Variants in SLC5A4 observed in about 807,000 individuals in gnomAD.
SLC5A4 encodes the protein probable glucose sensor protein SLC5A4.
A neutral mutation model predicts 70.3 loss-of-function variants in SLC5A4; 55 were observed. That is an observed-to-expected ratio of 0.78 (90% CI 0.63 to 0.98). SLC5A4 has a LOEUF of 0.98. Among genes scored for constraint, SLC5A4 ranks in the 50% least tolerant of loss-of-function variants. The pLI, the probability that SLC5A4 is intolerant of heterozygous loss-of-function variation, is 0.00. For synonymous variants in SLC5A4, 268 were observed against 305.7 expected (o/e 0.88, Z 1.29); for missense variants, 735 against 839.2 (o/e 0.88, Z 1.53).
the SLC5A4 span, among the ~76,000 whole-genome samples, chr22:32,328,386 C>A: frequency 6.6e-6 from 1 of 152,130 alleles, no homozygotes; most frequent in Non-Finnish European, 1.5e-5. Flanking sequence ...AAGTGACAGG[C>A]ATGGGATGTC....
At chr22:32,324,175 T>C in the SLC5A4 span, among the ~76,000 whole-genome samples, 1 of 149,570 alleles carries the variant, frequency 6.7e-6, no homozygotes, top group Non-Finnish European at 1.5e-5. Flanking sequence ...ATGCCAGTGG[T>C]GAAAATGTGG....
At chr22:32,352,769 C>G in the SLC5A4 span, among the ~76,000 whole-genome samples, 1 of 152,246 alleles carries the variant, frequency 6.6e-6, no homozygotes, top group Non-Finnish European at 1.5e-5. Context: ...CACAGGCCCA[C>G]CCTACAAGGC....
At chr22:32,236,955 C>T (rs1354206716) in intron 7 of SLC5A4, among the ~76,000 whole-genome samples, 3 of 152,130 alleles carry the variant, frequency 2.0e-5, no homozygotes, top group African/African-American at 7.2e-5. Context: ...CCACCCGCCT[C>T]GGCCTCCCAA....
At chr22:32,307,935 A>G in the SLC5A4 span, among the ~76,000 whole-genome samples, 1,202 of 68,992 alleles carry the variant, frequency 0.017, 17 homozygotes, top group African/African-American at 0.06. Flanking sequence ...GGATTCTTAC[A>G]TGTTTCCAAC....
the SLC5A4 span, among the ~76,000 whole-genome samples, chr22:32,305,980 C>CAT: frequency 6.6e-6 from 1 of 152,068 alleles, no homozygotes; most frequent in Non-Finnish European, 1.5e-5. Flanking sequence ...GATGGACTCA[C>CAT]GTGCCCAGTT....
At chr22:32,272,386 G>A in the SLC5A4 span, 2 of 905,420 alleles carry the variant, frequency 2.2e-6, no homozygotes, top group Non-Finnish European at 3.6e-6. Context: ...AAGCCTGCGG[G>A]CCAGCGAGCT....
the SLC5A4 span, chr22:32,272,166 G>A: frequency 5.0e-5 from 36 of 720,518 alleles, no homozygotes; most frequent in African/African-American, 4.3e-4. Flanking sequence ...CGTGGCCGCC[G>A]GGACCTGCCT....
the SLC5A4 span, among the ~76,000 whole-genome samples, chr22:32,321,834 C>T: frequency 5.9e-5 from 9 of 152,266 alleles, no homozygotes; most frequent in African/African-American, 1.9e-4. Context: ...TTCCATGGTG[C>T]CTATACAGTC....
At chr22:32,235,794 G>C (rs1377427022) in intron 7 of SLC5A4, among the ~76,000 whole-genome samples, 4 of 152,158 alleles carry the variant, frequency 2.6e-5, no homozygotes, top group Non-Finnish European at 2.9e-5. Context: ...AAATTCATCA[G>C]GGTATTATAC....
At chr22:32,314,637 T>C in the SLC5A4 span, among the ~76,000 whole-genome samples, 5 of 152,208 alleles carry the variant, frequency 3.3e-5, no homozygotes, top group Non-Finnish European at 7.3e-5. Context: ...TGTGGATAGA[T>C]GGCAGTGATG....
the SLC5A4 span, among the ~76,000 whole-genome samples, chr22:32,310,741 G>A: frequency 6.6e-6 from 1 of 152,234 alleles, no homozygotes; most frequent in Non-Finnish European, 1.5e-5. Context: ...GGCTGAGTCT[G>A]TCTTCTCATC....
At chr22:32,280,980 A>C in the SLC5A4 span, among the ~76,000 whole-genome samples, 2 of 152,300 alleles carry the variant, frequency 1.3e-5, no homozygotes. Flanking sequence ...GTCTCTCAAC[A>C]GTTCTAGAAA....
At chr22:32,280,079 G>A in the SLC5A4 span, among the ~76,000 whole-genome samples, 14 of 152,152 alleles carry the variant, frequency 9.2e-5, no homozygotes, top group Non-Finnish European at 1.8e-4. Context: ...GCAATGGCAC[G>A]ATCTCTGCTC....
At chr22:32,339,270 T>C in the SLC5A4 span, among the ~76,000 whole-genome samples, 4 of 152,172 alleles carry the variant, frequency 2.6e-5, no homozygotes, top group African/African-American at 9.7e-5. Context: ...GCAACAATCA[T>C]CACAGTTAGC....
At chr22:32,236,152 G>A (rs532350270) in intron 7 of SLC5A4, among the ~76,000 whole-genome samples, 1 of 152,154 alleles carries the variant, frequency 6.6e-6, no homozygotes. Context: ...AGTACACAAA[G>A]AATTGGTGCT....
chr22:32,246,437 G>T (rs62239056), intron 5 of SLC5A4, among the ~76,000 whole-genome samples: 1,565 of 152,280 alleles, frequency 0.01, 8 homozygotes, highest in South Asian at 0.027. Context: ...GAGCAAATAA[G>T]TTACTCTTTG....
At chr22:32,283,491 ACAAT>A in the SLC5A4 span, among the ~76,000 whole-genome samples, 372 of 152,318 alleles carry the variant, frequency 2.4e-3, 3 homozygotes, top group Non-Finnish European at 4.0e-3. Context: ...AATCAACAAA[ACAAT>A]CAATCAGGCC....
chr22:32,247,663 C>T (rs1282682159), intron 4 of SLC5A4, 148 bp from the exon 5 acceptor site: 1 of 647,644 alleles, frequency 1.5e-6, no homozygotes, highest in African/African-American at 1.8e-5. Context: ...CTCATAGAGG[C>T]ATCCCTGATG....
chr22:32,227,359 C>A (rs1302376126), intron 11 of SLC5A4, among the ~76,000 whole-genome samples: 1 of 152,198 alleles, frequency 6.6e-6, no homozygotes, highest in Non-Finnish European at 1.5e-5. Context: ...CACTCCTGCC[C>A]TACTGTACTC....
Sources: gnomAD v4.1 joint callset for allele counts (sites outside exome capture counted in the v4.1 genomes callset) on GRCh38, gnomAD v4.1.1 for gene constraint, MANE v1.5 for transcripts, NCBI Gene and HGNC (gene_info 2026-07-23, HGNC 2026-07-21) for gene names.